AGBL4: variants seen among roughly 807,000 people sequenced by gnomAD.
AGBL4 encodes the protein cytosolic carboxypeptidase 6.
AGBL4 carries 58 observed loss-of-function variants against 66.4 expected under a neutral mutation model. The ratio of observed to expected loss-of-function variants is 0.87; its 90% CI spans 0.71 to 1.09. The LOEUF is 1.09. AGBL4 is among the 50% of genes least tolerant of loss of function. The probability of loss-of-function intolerance (pLI) is 0.00; values close to 1 mark genes in which losing one functional copy is unlikely to be tolerated. For synonymous variants in AGBL4, 234 were observed against 222.9 expected, an observed-to-expected ratio of 1.05 and a Z score of -0.44; for missense variants, 579 against 631.0, an observed-to-expected ratio of 0.92 and a Z score of 0.88.
chr1:48,765,802 AAG>A (rs1455027927), intron 6 of AGBL4, among the ~76,000 whole-genome samples: 2 of 152,200 alleles, frequency 1.3e-5, no homozygotes, highest in African/African-American at 4.8e-5. Flanking sequence ...TGGAAAGTAA[AAG>A]AAGCCAGACA....
chr1:49,273,466 TA>T (rs1467106833), intron 3 of AGBL4, among the ~76,000 whole-genome samples: 1 of 150,566 alleles, frequency 6.6e-6, no homozygotes, highest in East Asian at 1.9e-4. Context: ...TAAAACTAAA[TA>T]TAAAAAATTT....
intron 3 of AGBL4, among the ~76,000 whole-genome samples, chr1:49,442,664 G>C (rs554986177): frequency 6.6e-6 from 1 of 152,124 alleles, no homozygotes; most frequent in African/African-American, 2.4e-5. Context: ...ATTAATAGAC[G>C]CTTACGTTGA....
chr1:49,376,461 A>G (rs1306622100), intron 3 of AGBL4, among the ~76,000 whole-genome samples: 1 of 151,954 alleles, frequency 6.6e-6, no homozygotes, highest in African/African-American at 2.4e-5. Context: ...GGCCACATAA[A>G]AGAGTTGTTA....
chr1:49,562,167 C>A (rs1488212982), intron 3 of AGBL4, among the ~76,000 whole-genome samples: 2 of 151,840 alleles, frequency 1.3e-5, no homozygotes, highest in Non-Finnish European at 2.9e-5. Flanking sequence ...TTGTTTTTTT[C>A]TTGTAAATGT....
chr1:49,263,302 T>C (rs1034779473), intron 3 of AGBL4, among the ~76,000 whole-genome samples: 2 of 152,054 alleles, frequency 1.3e-5, no homozygotes, highest in African/African-American at 2.4e-5. Context: ...ACTTAAAGTA[T>C]AATAATAAAA....
chr1:49,666,594 T>C (rs1316750493), intron 3 of AGBL4, among the ~76,000 whole-genome samples: 1 of 151,490 alleles, frequency 6.6e-6, no homozygotes, highest in Admixed American at 6.6e-5. Flanking sequence ...AATATATAAA[T>C]AAAAATTAAA....
At chr1:48,594,123 C>A (rs1644959820) in intron 9 of AGBL4, among the ~76,000 whole-genome samples, 1 of 152,106 alleles carries the variant, frequency 6.6e-6, no homozygotes, top group Non-Finnish European at 1.5e-5. Context: ...GTAAGGAGTT[C>A]AAGACCAGCC....
rs75752903 is a variant in AGBL4, at chr1:48,572,678, G to A, written c.1267+14326C>T. The stretch of plus-strand genomic sequence containing the variant: ...GGAATGCTATGCAGAGAGAGACCTG[G>A]GAGAACTGAAGGGGGGGTGCGTCTC... On this transcript the variant is annotated intron_variant, in intron 11 of 13. Coordinates refer to ENST00000371839, the MANE Select transcript of AGBL4 (RefSeq NM_032785.4). 2.1e-3 allele frequency among the ~76,000 whole-genome samples: 320 copies of A among 152,200 alleles called. 8 individuals are homozygous for A. The East Asian group carries it at 0.053, about 25-fold the overall frequency.
intron 3 of AGBL4, among the ~76,000 whole-genome samples, chr1:49,371,286 T>TACATACATACAC (rs1491563540): frequency 4.1e-4 from 60 of 145,822 alleles, no homozygotes; most frequent in African/African-American, 1.5e-3. Context: ...CATACATACA[T>TACATACATACAC]ACACACACAC....
At chr1:49,364,755 G>A (rs553932114) in intron 3 of AGBL4, among the ~76,000 whole-genome samples, 16 of 152,320 alleles carry the variant, frequency 1.1e-4, no homozygotes, top group African/African-American at 3.6e-4. Flanking sequence ...TGGGATTAAA[G>A]GCGTGAGCCA....
chr1:48,703,470 A>G (rs1368829276), intron 6 of AGBL4, among the ~76,000 whole-genome samples: 1 of 152,188 alleles, frequency 6.6e-6, no homozygotes, highest in Admixed American at 6.5e-5. Context: ...ATAAGTCTAG[A>G]TTCGAATTAT....
chr1:49,227,170 C>A (rs752694551), intron 4 of AGBL4, among the ~76,000 whole-genome samples: 6 of 152,158 alleles, frequency 3.9e-5, no homozygotes, highest in South Asian at 4.1e-4. Context: ...TTATATATTT[C>A]TTTTGTATTT....
intron 5 of AGBL4, among the ~76,000 whole-genome samples, chr1:48,938,561 C>G (rs1655673749): frequency 6.6e-6 from 1 of 152,074 alleles, no homozygotes; most frequent in African/African-American, 2.4e-5. Flanking sequence ...AAGACTATTC[C>G]AAGTCAGGAA....
At chr1:49,222,279 AC>A (rs1251596382) in intron 4 of AGBL4, among the ~76,000 whole-genome samples, 1 of 152,068 alleles carries the variant, frequency 6.6e-6, no homozygotes, top group Non-Finnish European at 1.5e-5. Flanking sequence ...AAAGAATACA[AC>A]TTAAAAAAAA....
intron 5 of AGBL4, among the ~76,000 whole-genome samples, chr1:48,924,148 T>A (rs1212342957): frequency 1.3e-5 from 2 of 152,070 alleles, no homozygotes; most frequent in African/African-American, 4.8e-5. Context: ...ATGGAAGGTT[T>A]TTTTGTCAAA....
chr1:49,163,890 G>A (rs7546954), intron 4 of AGBL4, among the ~76,000 whole-genome samples: 82,902 of 151,802 alleles, frequency 0.55, 23,436 homozygotes, highest in Middle Eastern at 0.64. Context: ...GGATTAACCC[G>A]AGCAAAAGCA....
At chr1:49,548,105 G>C (rs889720370) in intron 3 of AGBL4, among the ~76,000 whole-genome samples, 2 of 152,076 alleles carry the variant, frequency 1.3e-5, no homozygotes, top group Non-Finnish European at 1.5e-5. Flanking sequence ...TTCTCTGCTT[G>C]GTTGCTGTCG....
intron 4 of AGBL4, among the ~76,000 whole-genome samples, chr1:49,157,837 T>C (rs1226862470): frequency 1.3e-5 from 2 of 152,230 alleles, no homozygotes; most frequent in African/African-American, 4.8e-5. Context: ...CCAGTGATGA[T>C]GAGCTTTTTT....
intron 6 of AGBL4, among the ~76,000 whole-genome samples, chr1:48,737,962 T>G (rs551555013): frequency 4.3e-4 from 66 of 152,278 alleles, no homozygotes; most frequent in African/African-American, 1.5e-3. Context: ...AGGCCTGCAG[T>G]TTGCCAATAT....
Sources: gnomAD v4.1 joint callset for allele counts (sites outside exome capture counted in the v4.1 genomes callset) on GRCh38, gnomAD v4.1.1 for gene constraint, MANE v1.5 for transcripts, NCBI Gene and HGNC (gene_info 2026-07-23, HGNC 2026-07-21) for gene names.